Variants in CPEB2 observed in about 807,000 individuals in gnomAD.
CPEB2 encodes the protein cytoplasmic polyadenylation element-binding protein 2.
In CPEB2, 56 loss-of-function variants were observed where a neutral mutation model predicts 93.6. The ratio of observed to expected loss-of-function variants is 0.60; its 90% confidence interval spans 0.48 to 0.75. The LOEUF (loss-of-function observed/expected upper bound fraction) is 0.75. Among genes scored for constraint, CPEB2 ranks in the 30% least tolerant of loss-of-function variants. The pLI is 0.00. For synonymous variants in CPEB2, 764 were observed against 586.3 expected (o/e 1.30, Z -4.38); for missense variants, 1,579 against 1,395.1 (o/e 1.13, Z -2.10).
In CPEB2 at chr4:15,066,609, A is replaced by G; in HGVS notation, c.*229A>G. 2.0e-6 allele frequency: 1 copy of G among 509,284 alleles called. No homozygotes were observed. Among genetic ancestry groups the G allele is most frequent in the South Asian group, 3.0e-5 (1 of 33,708 alleles). The allele number at this position is 509,284 out of a possible 1,614,324, so 31.5% of individuals were successfully genotyped here. A position where few individuals can be genotyped will look rare whatever the true frequency, so the allele number is the denominator to read the frequency against. The stretch of plus-strand genomic sequence containing the variant: ...TGTGATATTTTCATGTTCAAATAAA[A>G]TGTTTTTTTGTATTTTCTCCAAGTT... On this transcript the variant is annotated 3_prime_UTR_variant, in exon 12 of 12. Coordinates refer to ENST00000538197, the MANE Select transcript of CPEB2 (RefSeq NM_001177382.2).
rs1465995095 is a variant in CPEB2, at chr4:15,068,688, A to G, written c.*2308A>G. 1.3e-5 allele frequency: 2 copies of G among 152,334 alleles called. No individual in the cohort carries two copies. Among genetic ancestry groups the G allele is most frequent in the African/African-American group, 4.8e-5 (2 of 41,430 alleles). The allele number at this position is 152,334 out of a possible 1,614,324, so 9.4% of individuals were successfully genotyped here. ...GAAGAGCCTTTTCATGTATTAAATAATGAACACAAATTATATAATTAAAAT... is the reference window on the plus strand; with the variant it reads ...GAAGAGCCTTTTCATGTATTAAATAGTGAACACAAATTATATAATTAAAAT... On this transcript the variant is annotated 3_prime_UTR_variant, in exon 12 of 12. Coordinates refer to ENST00000538197, the MANE Select transcript of CPEB2 (RefSeq NM_001177382.2).
chr4:15,033,054 C>T, intron 4 of CPEB2, 107 bp from the exon 5 acceptor site: 2 of 700,240 alleles, frequency 2.9e-6, no homozygotes, highest in Admixed American at 2.7e-5. Context: ...ATACTGTGCT[C>T]AATAATTTTC....
intron 4 of CPEB2, among the ~76,000 whole-genome samples, chr4:15,023,781 T>C (rs1049020486): frequency 6.6e-6 from 1 of 151,956 alleles, no homozygotes; most frequent in Non-Finnish European, 1.5e-5. Flanking sequence ...TGTAATTATT[T>C]GTAAATAATA....
chr4:15,027,526 A>C (rs1392014233), intron 4 of CPEB2, among the ~76,000 whole-genome samples: 1 of 152,198 alleles, frequency 6.6e-6, no homozygotes, highest in Non-Finnish European at 1.5e-5. Flanking sequence ...GATTGGAGTT[A>C]TTCAAGGTTG....
intron 3 of CPEB2, among the ~76,000 whole-genome samples, chr4:15,012,602 C>CA (rs1177146264): frequency 6.6e-6 from 1 of 152,054 alleles, no homozygotes; most frequent in Non-Finnish European, 1.5e-5. Context: ...AGTAGAGTAG[C>CA]ACGTCATCTG....
chr4:15,011,977 TATG>T (rs1349583290), intron 3 of CPEB2, among the ~76,000 whole-genome samples: 4 of 146,580 alleles, frequency 2.7e-5, no homozygotes, highest in African/African-American at 7.6e-5. Flanking sequence ...AATAGGCTGT[TATG>T]ATAATGTGGT....
chr4:15,058,359 C>A, intron 8 of CPEB2, 62 bp from the exon 9 acceptor site: 6 of 866,426 alleles, frequency 6.9e-6, no homozygotes, highest in Non-Finnish European at 9.3e-6. Flanking sequence ...CTAAATAGTA[C>A]TGAAATTTGG....
At chr4:15,046,760 G>A (rs549893461) in intron 6 of CPEB2, among the ~76,000 whole-genome samples, 3 of 151,972 alleles carry the variant, frequency 2.0e-5, no homozygotes, top group African/African-American at 4.8e-5. Context: ...TTTTCCAGTA[G>A]CGTATTGCTT....
intron 3 of CPEB2, among the ~76,000 whole-genome samples, chr4:15,015,800 T>G (rs916207066): frequency 6.6e-6 from 1 of 152,004 alleles, no homozygotes; most frequent in Non-Finnish European, 1.5e-5. Context: ...TCATATGCTG[T>G]TTTTTTCCAA....
At position 15,003,984 on chromosome 4, in the gene CPEB2, C is replaced by A; in HGVS notation, c.1311C>A (p.Ala437=). 1.4e-6 allele frequency: 2 copies of A among 1,479,906 alleles called. No individual in the cohort carries two copies. Among genetic ancestry groups the A allele is most frequent in the Non-Finnish European group, 1.8e-6 (2 of 1,113,954 alleles). 91.7% of individuals were successfully genotyped at this position (1,479,906 alleles called of 1,614,324 possible). ...PGGGSGGSLS[A]MPPPSPDSEN... ...GCGGCAGCGGCGGCTCGCTCAGCGC[C>A]ATGCCGCCGCCCAGCCCCGACTCAG... Residue 437 remains alanine (A), a synonymous_variant, in exon 1 of 12, where the codon GCC becomes GCA. Transcript: ENST00000538197.
At chr4:15,050,958 A>ACAT (rs1252190937) in intron 6 of CPEB2, among the ~76,000 whole-genome samples, 3 of 152,198 alleles carry the variant, frequency 2.0e-5, no homozygotes, top group Non-Finnish European at 4.4e-5. Context: ...TTGCTTCTGA[A>ACAT]CATCCTAACA....
chr4:15,061,098 G>A (rs911927396), intron 10 of CPEB2, among the ~76,000 whole-genome samples: 4 of 152,250 alleles, frequency 2.6e-5, no homozygotes, highest in Non-Finnish European at 2.9e-5. Flanking sequence ...TTAATATACC[G>A]AGTGTGGCCA....
intron 4 of CPEB2, among the ~76,000 whole-genome samples, chr4:15,025,652 G>A (rs146762630): frequency 6.6e-6 from 1 of 151,446 alleles, no homozygotes; most frequent in African/African-American, 2.4e-5. Context: ...AACCCAGGAG[G>A]GTTCTTTTAA....
At chr4:15,054,687 C>T (rs972227297) in intron 8 of CPEB2, among the ~76,000 whole-genome samples, 4 of 151,912 alleles carry the variant, frequency 2.6e-5, no homozygotes, top group African/African-American at 7.3e-5. Flanking sequence ...TAGGAAGACA[C>T]CGTGGCTGAT....
Position 15,021,375 on chromosome 4 carries a change from G to T in CPEB2, c.2125+4097G>T, listed in dbSNP as rs974655811. Among the ~76,000 whole-genome samples the T allele has an allele frequency of 2.0e-5, 3 of 152,188 alleles. No homozygotes were observed. The East Asian group carries it at 5.8e-4, about 29-fold the overall frequency. On this transcript the variant is annotated intron_variant, in intron 4 of 11. Transcript: ENST00000538197. ...ACTGTTTTGTAGTTTTTCAGTTTTAGATTTGCATACCTATTTTAAATAATT... is the reference window on the plus strand; with the variant it reads ...ACTGTTTTGTAGTTTTTCAGTTTTATATTTGCATACCTATTTTAAATAATT...
In CPEB2 at chr4:15,007,446, C is replaced by T; in HGVS notation, c.1804C>T (p.Pro602Ser). 2 of 1,614,122 alleles carry T rather than the reference C, an allele frequency of 1.2e-6. No individual in the cohort carries two copies. The highest frequency in any genetic ancestry group is 1.7e-6 in the Non-Finnish European group (2 of 1,180,014). ...CCCAGGAACTATGAATCAGATATCT[C>T]CATTGAAGAAACCGTTTTCTGGTAA... Reference protein sequence around the residue: ...GIPGTMNQISPLKKPFSGNVI... With the variant: ...GIPGTMNQISSLKKPFSGNVI... Residue 602 changes from proline (P) to serine (S), a missense_variant, in exon 2 of 12, where the codon CCA (proline) becomes TCA (serine). Around this residue, in one of 2 missense-constraint regions of CPEB2, gnomAD observed 1,411 missense variants for 1,056.0 expected, o/e 1.34. Transcript: ENST00000538197.
At chr4:15,052,382 G>T in intron 6 of CPEB2, 32 bp from the exon 7 acceptor site, 1 of 1,327,296 alleles carries the variant, frequency 7.5e-7, no homozygotes, top group Admixed American at 2.8e-5. Context: ...TCTCAGATCT[G>T]AGATTCAAGT....
Position 15,004,066 on chromosome 4 carries a change from T to C in CPEB2, c.1393T>C (p.Phe465Leu). The change falls in exon 1 of 12, where the codon TTC becomes CTC. Residue 465 changes from phenylalanine (F) to leucine (L), a missense_variant. Phe to Leu is a conservative substitution (Grantham distance 22, BLOSUM62 0). This residue lies in a region of CPEB2 where 1,411 missense variants were observed against 1,056.0 expected (regional missense o/e 1.34). Coordinates refer to ENST00000538197, the MANE Select transcript of CPEB2 (RefSeq NM_001177382.2). ...SSMNPAFFPS[F>L]SPVSPHGCTG... ...CATGAACCCGGCCTTCTTCCCTAGC[T>C]TCTCGCCCGTGTCGCCGCACGGCTG... The C allele has an allele frequency of 2.6e-6, 4 of 1,565,572 alleles. No individual in the cohort carries two copies. The highest frequency in any genetic ancestry group is 3.5e-6 in the Non-Finnish European group (4 of 1,159,068).
At chr4:15,016,193 C>A (rs575983363) in intron 3 of CPEB2, among the ~76,000 whole-genome samples, 2 of 151,976 alleles carry the variant, frequency 1.3e-5, no homozygotes, top group East Asian at 3.9e-4. Context: ...AATGGACTAT[C>A]CTGTATCCCC....
Sources: gnomAD v4.1 joint callset for allele counts (sites outside exome capture counted in the v4.1 genomes callset) on GRCh38, gnomAD v4.1.1 for gene constraint, gnomAD v4.1.1 regional missense constraint, MANE v1.5 for transcripts, NCBI Gene and HGNC (gene_info 2026-07-23, HGNC 2026-07-21) for gene names.